The following DNAH1 variants were observed in gnomAD, a reference collection of about 807,000 sequenced individuals.
DNAH1 encodes dynein axonemal heavy chain 1.
In DNAH1, 327 loss-of-function variants were observed where a neutral mutation model predicts 484.3. The observed-to-expected ratio is 0.68, with a 90% CI of 0.62 to 0.74. DNAH1 has a LOEUF of 0.74. Ranked by LOEUF, DNAH1 falls within the 30% of genes least tolerant of loss-of-function variation. DNAH1 has a pLI of 0.00. For missense variants in DNAH1, 5,052 were observed against 5,546.8 expected, an observed-to-expected ratio of 0.91 and a Z score of 2.83; for synonymous variants, 2,192 against 2,191.9, an observed-to-expected ratio of 1.00 and a Z score of 0.00.
chr3:52,387,233 C>T (rs1578190768), intron 56 of DNAH1, among the ~76,000 whole-genome samples: 1 of 152,322 alleles, frequency 6.6e-6, no homozygotes, highest in East Asian at 1.9e-4. Context: ...AGGCCTTGGC[C>T]AAGACCTTCA....
At chr3:52,369,348 C>T (rs191415336) in intron 37 of DNAH1, among the ~76,000 whole-genome samples, 225 of 152,248 alleles carry the variant, frequency 1.5e-3, no homozygotes, top group Admixed American at 3.5e-3. Context: ...ATAGACACCA[C>T]GGGGATCTGT....
chr3:52,350,072 G>C lies in DNAH1; in HGVS notation c.2610G>C (p.Trp870Cys), dbSNP rs755572946. Reference protein sequence around the residue: ...SIEELAELREWMKGIPERLVG... With the variant: ...SIEELAELRECMKGIPERLVG... ...AGGAGCTGGCTGAGCTGCGAGAGTGGATGAAGGGCATCCCGGAGAGGCTGG... is the reference window on the plus strand; with the variant it reads ...AGGAGCTGGCTGAGCTGCGAGAGTGCATGAAGGGCATCCCGGAGAGGCTGG... The change falls in exon 15 of 78, where the codon TGG (tryptophan) becomes TGC (cysteine). Residue 870 changes from tryptophan (W) to cysteine (C), a missense_variant. Physicochemically the swap from Trp to Cys is radical, Grantham distance 215. Coordinates refer to ENST00000420323, the MANE Select transcript of DNAH1 (RefSeq NM_015512.5). 1 of 1,612,942 alleles carries C rather than the reference G, an allele frequency of 6.2e-7. No individual in the cohort carries two copies. The highest frequency in any genetic ancestry group is 1.1e-5 in the South Asian group (1 of 90,902).
At position 52,322,647 on chromosome 3, in the gene DNAH1, C is replaced by G. The variant is rs1167885596; in HGVS notation, c.205C>G (p.Pro69Ala). The G allele has an allele frequency of 3.7e-6, 6 of 1,613,918 alleles. No homozygotes were observed. Among genetic ancestry groups the G allele is most frequent in the Non-Finnish European group, 5.1e-6 (6 of 1,179,872 alleles). Reference protein sequence around the residue: ...LPHLPLPPAPPTLSDLGQPRK... With the variant: ...LPHLPLPPAPATLSDLGQPRK... ...ACATTTACCCCTGCCCCCGGCCCCA[C>G]CCACACTCTCAGACTTGGGGCAGCC... The change falls in exon 2 of 78, where the codon CCC becomes GCC. Residue 69 changes from proline to alanine, a missense_variant. This residue lies in a region of DNAH1 where 1,263 missense variants were observed against 1,218.8 expected (regional missense o/e 1.04). Coordinates refer to ENST00000420323, the MANE Select transcript of DNAH1 (RefSeq NM_015512.5).
intron 36 of DNAH1, 65 bp downstream of exon 36, chr3:52,366,952 G>A (rs917913571): frequency 5.8e-6 from 9 of 1,543,898 alleles, no homozygotes; most frequent in Middle Eastern, 1.8e-4. Context: ...TGTGGGCTGC[G>A]GTCACCCCTC....
Position 52,361,554 on chromosome 3 carries a change from C to T in DNAH1, c.4875-107C>T. On this transcript the variant is annotated intron_variant, in intron 29 of 77. Transcript: ENST00000420323. The surrounding 1 kb of genome is among the most constrained non-coding windows in gnomAD (Gnocchi z 5.6). Reference sequence around the variant, plus strand: ...TTGAAGACTGAGCTGATGGAGATTGCCCCTGAGGGCTTCCTCCCAAGTGGA... The same window carrying T: ...TTGAAGACTGAGCTGATGGAGATTGTCCCTGAGGGCTTCCTCCCAAGTGGA... The T allele has an allele frequency of 6.0e-6, 8 of 1,324,616 alleles. No homozygotes were observed. Among genetic ancestry groups the T allele is most frequent in the Non-Finnish European group, 8.4e-6 (8 of 957,956 alleles). The allele number at this position is 1,324,616 out of a possible 1,614,324, so 82.1% of individuals were successfully genotyped here.
intron 60 of DNAH1, among the ~76,000 whole-genome samples, chr3:52,390,293 C>T (rs532654666): frequency 6.6e-6 from 1 of 152,102 alleles, no homozygotes; most frequent in Admixed American, 6.6e-5. Context: ...GGCAAAACCC[C>T]GTCTCTACTA....
intron 8 of DNAH1, among the ~76,000 whole-genome samples, chr3:52,332,957 G>A (rs906882778): frequency 6.6e-6 from 1 of 151,958 alleles, no homozygotes; most frequent in Non-Finnish European, 1.5e-5. Context: ...GGGCCATCTT[G>A]GCTCACTGTA....
chr3:52,386,954 A>G, intron 56 of DNAH1, 101 bp downstream of exon 56: 2 of 1,242,174 alleles, frequency 1.6e-6, no homozygotes, highest in South Asian at 1.6e-5. Flanking sequence ...CATCATCTGC[A>G]TGTGCAGTGG....
chr3:52,352,347 G>A (rs796225477), intron 17 of DNAH1, among the ~76,000 whole-genome samples: 15 of 152,194 alleles, frequency 9.9e-5, no homozygotes, highest in African/African-American at 3.4e-4. Context: ...TGTCCTTGGC[G>A]GCCTACTGGG....
chr3:52,374,339 G>C, intron 44 of DNAH1: 1 of 1,512,660 alleles, frequency 6.6e-7, no homozygotes, highest in East Asian at 2.3e-5. Flanking sequence ...GAAATCTCTT[G>C]AGTGTCTACC....
chr3:52,322,461 A>G lies in DNAH1; in HGVS notation c.19A>G (p.Lys7Glu). 1 of 1,610,642 alleles carries G rather than the reference A, an allele frequency of 6.2e-7. No individual in the cohort carries two copies. Residue 7 changes from lysine to glutamate, a missense_variant, in exon 2 of 78, where the codon AAA (lysine) becomes GAA (glutamate). Transcript: ENST00000420323. ...AAGCAGCATGGAGCAGCCTAACAGTAAAGGCTATAGCCTGGGAAGGACCCC... is the reference window on the plus strand; with the variant it reads ...AAGCAGCATGGAGCAGCCTAACAGTGAAGGCTATAGCCTGGGAAGGACCCC... MEQPNS[K>E]GYSLGRTPQG...
In DNAH1 at chr3:52,326,800, A is replaced by G. The variant is rs376828415; in HGVS notation, c.647A>G (p.Asn216Ser). The G allele has an allele frequency of 1.2e-5, 19 of 1,613,780 alleles. No individual in the cohort carries two copies. In the African/African-American group the frequency reaches 2.5e-4, roughly 22 times the overall value. ...CTGTTCAGCCAGGGCATCGACTCCAACAAGCTCATGCCCAGGCACCTGGAC... is the reference window on the plus strand; with the variant it reads ...CTGTTCAGCCAGGGCATCGACTCCAGCAAGCTCATGCCCAGGCACCTGGAC... ...QLLFSQGIDS[N>S]KLMPRHLDHQ... Residue 216 changes from asparagine to serine, a missense_variant, in exon 5 of 78, where the codon AAC becomes AGC. Around this residue, in one of 4 missense-constraint regions of DNAH1, gnomAD observed 1,263 missense variants for 1,218.8 expected, o/e 1.04. Coordinates refer to ENST00000420323, the MANE Select transcript of DNAH1 (RefSeq NM_015512.5).
Position 52,362,314 on chromosome 3 carries a change from C to T in DNAH1, c.4981-74C>T. The T allele has an allele frequency of 7.8e-7, 1 of 1,285,368 alleles. No individual in the cohort carries two copies. The highest frequency in any genetic ancestry group is 1.1e-6 in the Non-Finnish European group (1 of 902,822). 79.6% of individuals were successfully genotyped at this position (1,285,368 alleles called of 1,614,324 possible). ...CCAGGACAGGGGCATCAACAGGGGA[C>T]AAGGGGCCCACTCAGAGGAGGGGAC... is the stretch of plus-strand genomic sequence containing the variant. On this transcript the variant is annotated intron_variant, in intron 30 of 77. Transcript: ENST00000420323. This position sits in a 1 kb window ranked among gnomAD's most constrained non-coding sequence, Gnocchi z 5.1.
chr3:52,327,912 A>T lies in DNAH1; in HGVS notation c.769A>T (p.Thr257Ser). Residue 257 changes from threonine to serine, a missense_variant, in exon 6 of 78, where the codon ACT becomes TCT. Physicochemically the swap from Thr to Ser is moderately conservative, Grantham distance 58. Coordinates refer to ENST00000420323, the MANE Select transcript of DNAH1 (RefSeq NM_015512.5). ...TGACAATGAGGACTTTGACTGCCGG[A>T]CTCCCAGAGAGTGGATCAACATGGG... ...VFDNEDFDCR[T>S]PREWINMGLE... 6.2e-7 allele frequency: 1 copy of T among 1,613,600 alleles called. No homozygotes were observed. The highest frequency in any genetic ancestry group is 1.1e-5 in the South Asian group (1 of 91,070).
chr3:52,353,606 G>A lies in DNAH1; in HGVS notation c.3453G>A (p.Val1151=), dbSNP rs1702488759. 1 of 1,605,804 alleles carries A rather than the reference G, an allele frequency of 6.2e-7. No individual in the cohort carries two copies. Residue 1151 remains valine (V), a synonymous_variant, in exon 20 of 78, where the codon GTG becomes GTA. Transcript: ENST00000420323. This position sits in a 1 kb window ranked among gnomAD's most constrained non-coding sequence, Gnocchi z 5.0. The part of the protein sequence containing the change: ...HIESISKVAE[V]AGKEYAIEQA... ...AGAGCATCAGCAAGGTGGCTGAGGT[G>A]GCTGGCAAGGAGTACGCCATCGAGC... is the stretch of plus-strand genomic sequence containing the variant.
intron 7 of DNAH1, 78 bp from the exon 8 acceptor site, chr3:52,332,064 C>T (rs1701573887): frequency 6.7e-7 from 1 of 1,496,216 alleles, no homozygotes; most frequent in African/African-American, 1.4e-5. Context: ...GCATCCACGG[C>T]ACAGCCGGCC....
chr3:52,335,342 A>G (rs1220883294), intron 8 of DNAH1, among the ~76,000 whole-genome samples: 1 of 145,582 alleles, frequency 6.9e-6, no homozygotes, highest in African/African-American at 2.6e-5. Flanking sequence ...GGCATGATCT[A>G]TAAGCTTTTT....
chr3:52,356,826 T>C (rs1351375183), intron 22 of DNAH1, 48 bp downstream of exon 22: 4 of 1,552,170 alleles, frequency 2.6e-6, no homozygotes, highest in Non-Finnish European at 3.5e-6. Flanking sequence ...CCAAGGGCCC[T>C]GGTCACATTG....
chr3:52,328,447 C>A (rs527640294), intron 6 of DNAH1, among the ~76,000 whole-genome samples: 8 of 152,272 alleles, frequency 5.3e-5, no homozygotes, highest in South Asian at 2.1e-4. Flanking sequence ...AAATCCCCAT[C>A]ATCACACACA....
Sources: gnomAD v4.1 joint callset for allele counts (sites outside exome capture counted in the v4.1 genomes callset) on GRCh38, gnomAD v4.1.1 for gene constraint, gnomAD v4.1.1 regional missense constraint, Gnocchi (gnomAD v3.1) non-coding constraint, MANE v1.5 for transcripts, NCBI Gene and HGNC (gene_info 2026-07-23, HGNC 2026-07-21) for gene names.